CNTN5: variants seen among roughly 807,000 people sequenced by gnomAD.
CNTN5 encodes contactin-5.
A neutral mutation model predicts 129.1 loss-of-function variants in CNTN5; 77 were observed. The observed-to-expected ratio is 0.60, with a 90% confidence interval of 0.50 to 0.72. The LOEUF (loss-of-function observed/expected upper bound fraction) is 0.72. CNTN5 is among the 30% of genes least tolerant of loss of function. The pLI, the probability that CNTN5 is intolerant of heterozygous loss-of-function variation, is 0.00. For synonymous variants in CNTN5, 509 were observed against 465.6 expected (o/e 1.09, Z -1.20); for missense variants, 1,478 against 1,328.8 (o/e 1.11, Z -1.75).
intron 8 of CNTN5, among the ~76,000 whole-genome samples, chr11:99,997,623 G>T (rs1939543305): frequency 2.0e-5 from 3 of 152,078 alleles, no homozygotes; most frequent in Admixed American, 6.6e-5. Flanking sequence ...CCAATCAATA[G>T]AAAAAGAGGG....
intron 8 of CNTN5, among the ~76,000 whole-genome samples, chr11:99,969,292 C>A (rs1266915571): frequency 6.6e-6 from 1 of 152,034 alleles, no homozygotes; most frequent in African/African-American, 2.4e-5. Flanking sequence ...TATATGATTG[C>A]CTGTCATTGT....
chr11:99,945,234 G>A (rs1272320560), intron 7 of CNTN5, among the ~76,000 whole-genome samples: 1 of 152,008 alleles, frequency 6.6e-6, no homozygotes, highest in African/African-American at 2.4e-5. Context: ...AATTTGATAT[G>A]AGATTGGAAT....
At position 99,887,538 on chromosome 11, in the gene CNTN5, A is replaced by T. The variant is rs144783101; in HGVS notation, c.578-28516A>T. 7.7e-4 allele frequency among the ~76,000 whole-genome samples: 118 copies of T among 152,288 alleles called. No individual in the cohort carries two copies. In the East Asian group the frequency reaches 0.022, roughly 29 times the overall value. The stretch of plus-strand genomic sequence containing the variant: ...AAGGGGAGTTTATTAAGGAGTATTG[A>T]CTCACACAATCACAAGGTGAAGTCC... On this transcript the variant is annotated intron_variant, in intron 6 of 24. Transcript: ENST00000524871.
At chr11:99,362,210 T>C (rs1939158525) in intron 2 of CNTN5, among the ~76,000 whole-genome samples, 1 of 152,090 alleles carries the variant, frequency 6.6e-6, no homozygotes, top group African/African-American at 2.4e-5. Flanking sequence ...ACTGTGGTTT[T>C]GATTTGCTGT....
At chr11:100,047,750 T>G (rs915181525) in intron 9 of CNTN5, among the ~76,000 whole-genome samples, 4 of 152,202 alleles carry the variant, frequency 2.6e-5, no homozygotes, top group Admixed American at 2.6e-4. Flanking sequence ...GATTGTCACT[T>G]GAATCAGTAG....
intron 7 of CNTN5, among the ~76,000 whole-genome samples, chr11:99,938,748 C>A (rs1489152876): frequency 6.6e-6 from 1 of 152,066 alleles, no homozygotes; most frequent in African/African-American, 2.4e-5. Flanking sequence ...TTACTTAAAT[C>A]ATTTCTATGT....
At chr11:99,904,016 G>A (rs1192062661) in intron 6 of CNTN5, among the ~76,000 whole-genome samples, 2 of 152,142 alleles carry the variant, frequency 1.3e-5, no homozygotes, top group African/African-American at 2.4e-5. Context: ...TATAACAGAT[G>A]CTGGTGAGGA....
chr11:99,101,027 A>G (rs1312522253), intron 1 of CNTN5, among the ~76,000 whole-genome samples: 4 of 152,126 alleles, frequency 2.6e-5, no homozygotes, highest in African/African-American at 9.7e-5. Flanking sequence ...GGTTTAATGG[A>G]CTCACAGCTC....
At chr11:99,144,776 T>C (rs1338719967) in intron 1 of CNTN5, among the ~76,000 whole-genome samples, 3 of 152,154 alleles carry the variant, frequency 2.0e-5, no homozygotes, top group African/African-American at 7.2e-5. Context: ...TTTAATGATA[T>C]CTCTTTGTTG....
intron 13 of CNTN5, among the ~76,000 whole-genome samples, chr11:100,186,085 C>A (rs955005487): frequency 1.3e-5 from 2 of 152,108 alleles, no homozygotes; most frequent in African/African-American, 4.8e-5. Flanking sequence ...CCAGGCTGGG[C>A]AGGGTGGCTC....
chr11:99,765,769 G>A (rs977497050), intron 3 of CNTN5, among the ~76,000 whole-genome samples: 2 of 151,468 alleles, frequency 1.3e-5, no homozygotes, highest in African/African-American at 4.8e-5. Context: ...TCCTAGAGAA[G>A]CCCTCTAGAA....
At chr11:99,363,492 G>GT (rs1939253652) in intron 2 of CNTN5, among the ~76,000 whole-genome samples, 1 of 152,104 alleles carries the variant, frequency 6.6e-6, no homozygotes, top group Non-Finnish European at 1.5e-5. Context: ...GCTGGGGTCT[G>GT]TGAGATTTTC....
rs139035187 is a variant in CNTN5, at chr11:99,221,617, C to T, written c.-209-103729C>T. On this transcript the variant is annotated intron_variant, in intron 1 of 24. Coordinates refer to ENST00000524871, the MANE Select transcript of CNTN5 (RefSeq NM_014361.4). ...TTGTATTAAAATTAATAATCATAGC[C>T]TTTTTAACTTTCTGTGTCCCAGGAG... Among the ~76,000 whole-genome samples, 198 of 151,924 alleles carry T rather than the reference C, an allele frequency of 1.3e-3. 1 individual carries two copies. Among genetic ancestry groups the T allele is most frequent in the African/African-American group, 4.5e-3 (186 of 41,488 alleles).
intron 1 of CNTN5, among the ~76,000 whole-genome samples, chr11:99,172,875 A>G (rs1470510974): frequency 1.3e-5 from 2 of 152,226 alleles, no homozygotes; most frequent in African/African-American, 2.4e-5. Flanking sequence ...AGATTTAAGT[A>G]TAATTCTTGT....
At chr11:99,462,802 A>C (rs937671168) in intron 2 of CNTN5, among the ~76,000 whole-genome samples, 2 of 152,098 alleles carry the variant, frequency 1.3e-5, no homozygotes, top group Non-Finnish European at 2.9e-5. Flanking sequence ...AAAATGCAAT[A>C]GCTTCGGCAC....
chr11:99,303,868 A>T (rs1864753495), intron 1 of CNTN5, among the ~76,000 whole-genome samples: 1 of 152,142 alleles, frequency 6.6e-6, no homozygotes. Context: ...TTCTTTGAAG[A>T]TTATATTAAT....
At chr11:99,915,670 C>T (rs1305505723) in intron 6 of CNTN5, among the ~76,000 whole-genome samples, 1 of 152,156 alleles carries the variant, frequency 6.6e-6, no homozygotes, top group Non-Finnish European at 1.5e-5. Context: ...CGGTGGGACA[C>T]CAAGTCCTCT....
At chr11:100,312,373 T>C (rs1951488005) in intron 21 of CNTN5, among the ~76,000 whole-genome samples, 1 of 152,046 alleles carries the variant, frequency 6.6e-6, no homozygotes, top group Admixed American at 6.6e-5. Context: ...TGTATTCTTT[T>C]TCCCTCGAAA....
intron 1 of CNTN5, among the ~76,000 whole-genome samples, chr11:99,041,442 T>G (rs1863979917): frequency 6.6e-6 from 1 of 152,168 alleles, no homozygotes; most frequent in African/African-American, 2.4e-5. Context: ...CTTCACTCAT[T>G]TGTATGCATG....
Sources: gnomAD v4.1 joint callset for allele counts (sites outside exome capture counted in the v4.1 genomes callset) on GRCh38, gnomAD v4.1.1 for gene constraint, MANE v1.5 for transcripts, NCBI Gene and HGNC (gene_info 2026-07-23, HGNC 2026-07-21) for gene names.